Variants in C5 observed in about 807,000 individuals in gnomAD.
C5 encodes complement C5, also known as C3 and PZP-like alpha-2-macroglobulin domain-containing protein 4.
In C5, 140 loss-of-function variants were observed where a neutral mutation model predicts 218.8. The ratio of observed to expected loss-of-function variants is 0.64; its 90% CI spans 0.56 to 0.74. The LOEUF is 0.74. C5 is among the 30% of genes least tolerant of loss of function. C5 has a pLI of 0.00. For synonymous variants in C5, 614 were observed against 682.3 expected (o/e 0.90, Z 1.56); for missense variants, 1,700 against 1,969.6 (o/e 0.86, Z 2.59).
upstream of C5, among the ~76,000 whole-genome samples, chr9:121,053,917 G>A (rs755021484): frequency 6.6e-5 from 10 of 152,164 alleles, no homozygotes; most frequent in Non-Finnish European, 1.3e-4. Flanking sequence ...TTCACCACTG[G>A]CTAACTAAAG....
upstream of C5, chr9:121,050,411 C>G (rs1459764363): frequency 3.1e-6 from 2 of 652,396 alleles, no homozygotes; most frequent in African/African-American, 3.7e-5. Flanking sequence ...CTTTCATGCC[C>G]AGGAATACAG....
upstream of C5, among the ~76,000 whole-genome samples, chr9:121,053,672 C>A (rs1181356714): frequency 6.6e-6 from 1 of 152,104 alleles, no homozygotes; most frequent in Non-Finnish European, 1.5e-5. Flanking sequence ...TTGCCTATAC[C>A]ACCCCTCCTC....
rs149346283 is a variant in C5 at position 121,025,562 on chromosome 9, G to C, written c.892C>G (p.Gln298Glu). 43 of 1,612,414 alleles carry C rather than the reference G, an allele frequency of 2.7e-5. No homozygotes were observed. In the Admixed American group the frequency reaches 5.3e-4, roughly 20 times the overall value. The change falls in exon 9 of 41, where the codon CAA becomes GAA. Residue 298 changes from glutamine (Q) to glutamate (E), a missense_variant. Physicochemically the swap from Gln to Glu is conservative, Grantham distance 29 (BLOSUM62 2). Coordinates refer to ENST00000223642, the MANE Select transcript of C5 (RefSeq NM_001735.3). Reference protein sequence around the residue: ...QNTMLINGIAQVTFDSETAVK... With the variant: ...QNTMLINGIAEVTFDSETAVK... Reference sequence around the variant, plus strand: ...GCTGTTTCAGAATCAAATGTGACTTGAGCAATTCCATTTATCAACTTTTTA... The same window carrying C: ...GCTGTTTCAGAATCAAATGTGACTTCAGCAATTCCATTTATCAACTTTTTA...
the C5 span, among the ~76,000 whole-genome samples, chr9:121,070,249 C>T: frequency 4.0e-5 from 6 of 151,560 alleles, no homozygotes; most frequent in African/African-American, 7.3e-5. Flanking sequence ...CCCAGCTACT[C>T]GGGAGGCTGA....
intron 7 of C5, 69 bp from the exon 8 acceptor site, chr9:121,027,343 C>T: frequency 3.6e-6 from 3 of 839,570 alleles, no homozygotes; most frequent in Non-Finnish European, 6.0e-6. Flanking sequence ...TAAAATGTAA[C>T]AATTTGAAAT....
intron 7 of C5, among the ~76,000 whole-genome samples, chr9:121,028,969 C>A (rs973834734): frequency 7.2e-5 from 11 of 152,136 alleles, no homozygotes; most frequent in African/African-American, 2.4e-4. Flanking sequence ...GGGCCCTCTC[C>A]TATATGCCAA....
intron 27 of C5, 109 bp from the exon 28 acceptor site, chr9:120,980,363 A>G: frequency 1.1e-6 from 1 of 895,524 alleles, no homozygotes; most frequent in Admixed American, 1.8e-5. Context: ...TGGGGGTGAA[A>G]AGAGGACTGA....
At chr9:121,062,397 G>C in the C5 span, among the ~76,000 whole-genome samples, 1 of 151,984 alleles carries the variant, frequency 6.6e-6, no homozygotes, top group Non-Finnish European at 1.5e-5. Context: ...CAACAACAGA[G>C]CATTAAACCA....
chr9:120,982,571 T>A (rs753061208), intron 26 of C5, 84 bp downstream of exon 26: 8 of 1,112,426 alleles, frequency 7.2e-6, no homozygotes, highest in Non-Finnish European at 9.4e-6. Context: ...TTTTTCTTCT[T>A]CTTCTTCATC....
intron 38 of C5, among the ~76,000 whole-genome samples, chr9:120,959,676 A>G (rs1328859762): frequency 1.3e-5 from 2 of 152,224 alleles, no homozygotes; most frequent in Admixed American, 1.3e-4. Context: ...CAAAGGAGCT[A>G]ATTTTATCAG....
intron 22 of C5, among the ~76,000 whole-genome samples, chr9:120,994,581 C>T (rs565119149): frequency 7.5e-6 from 1 of 132,830 alleles, no homozygotes; most frequent in African/African-American, 2.5e-5. Context: ...AGACCCTGTC[C>T]CCCCACCCCA....
At chr9:121,037,559 C>T (rs1019683932) in intron 4 of C5, among the ~76,000 whole-genome samples, 2 of 152,110 alleles carry the variant, frequency 1.3e-5, no homozygotes, top group Non-Finnish European at 2.9e-5. Context: ...GATCCACCTG[C>T]CTCGGCCTCC....
At chr9:120,968,975 C>A in intron 33 of C5, 86 bp downstream of exon 33, 2 of 1,174,246 alleles carry the variant, frequency 1.7e-6, no homozygotes, top group South Asian at 1.2e-5. Context: ...CTGGACATAC[C>A]AAAATTTGAA....
At chr9:121,071,034 G>A in the C5 span, among the ~76,000 whole-genome samples, 2 of 152,058 alleles carry the variant, frequency 1.3e-5, no homozygotes, top group Non-Finnish European at 2.9e-5. Context: ...TTAAGGTTGG[G>A]TATGGTGACT....
At chr9:121,050,683 G>A (rs1375904432), upstream of C5, among the ~76,000 whole-genome samples, 1 of 152,124 alleles carries the variant, frequency 6.6e-6, no homozygotes, top group East Asian at 1.9e-4. Flanking sequence ...ATTTTAGAAG[G>A]GGCCTGGTTT....
chr9:121,025,389 T>G, intron 9 of C5, 65 bp downstream of exon 9: 1 of 1,422,352 alleles, frequency 7.0e-7, no homozygotes, highest in Non-Finnish European at 9.3e-7. Context: ...ATCTTTAATA[T>G]TCTGTCTAAA....
At chr9:120,967,063 C>T (rs1222752617) in intron 33 of C5, among the ~76,000 whole-genome samples, 1 of 151,838 alleles carries the variant, frequency 6.6e-6, no homozygotes, top group East Asian at 1.9e-4. Context: ...AGTTCAAGAC[C>T]AGCCTGGCCA....
chr9:120,965,025 A>G (rs1005156529), intron 33 of C5, among the ~76,000 whole-genome samples: 1 of 152,164 alleles, frequency 6.6e-6, no homozygotes, highest in Admixed American at 6.5e-5. Flanking sequence ...TCACCTCAAG[A>G]TGCTTGAAAG....
chr9:121,063,507 G>C, the C5 span, among the ~76,000 whole-genome samples: 1 of 152,038 alleles, frequency 6.6e-6, no homozygotes, highest in Admixed American at 6.5e-5. Context: ...ATATCTAGGA[G>C]ATCAAGATTT....
Sources: gnomAD v4.1 joint callset for allele counts (sites outside exome capture counted in the v4.1 genomes callset) on GRCh38, gnomAD v4.1.1 for gene constraint, MANE v1.5 for transcripts, NCBI Gene and HGNC (gene_info 2026-07-23, HGNC 2026-07-21) for gene names.